GABBR2: variants seen among roughly 807,000 people sequenced by gnomAD.
The protein encoded by GABBR2 is gamma-aminobutyric acid type B receptor subunit 2.
In GABBR2, 23 loss-of-function variants were observed where a neutral mutation model predicts 105.6. The observed-to-expected ratio is 0.22, with a 90% CI of 0.16 to 0.31. The LOEUF (loss-of-function observed/expected upper bound fraction) is 0.31. GABBR2 is among the 10% of genes least tolerant of loss of function. GABBR2 has a pLI of 1.00. For missense variants in GABBR2, 734 were observed against 1,245.5 expected, an observed-to-expected ratio of 0.59 and a Z score of 6.18; for synonymous variants, 478 against 499.7, an observed-to-expected ratio of 0.96 and a Z score of 0.58.
At chr9:98,549,644 C>A (rs1359596031) in intron 2 of GABBR2, among the ~76,000 whole-genome samples, 1 of 152,216 alleles carries the variant, frequency 6.6e-6, no homozygotes, top group Non-Finnish European at 1.5e-5. Flanking sequence ...CCCATACTGG[C>A]CAGCTCTGGG....
At chr9:98,460,251 C>T (rs967807123) in intron 6 of GABBR2, among the ~76,000 whole-genome samples, 41 of 152,042 alleles carry the variant, frequency 2.7e-4, no homozygotes, top group African/African-American at 6.8e-4. Flanking sequence ...GGCATGGTGG[C>T]GGGCACCTGT....
At chr9:98,640,117 C>T (rs1460522990) in intron 1 of GABBR2, among the ~76,000 whole-genome samples, 4 of 80,544 alleles carry the variant, frequency 5.0e-5, no homozygotes, top group African/African-American at 2.1e-4. Context: ...TTTGAAAATA[C>T]AACCATATAT....
At chr9:98,537,571 C>T (rs1828207217) in intron 3 of GABBR2, among the ~76,000 whole-genome samples, 1 of 152,094 alleles carries the variant, frequency 6.6e-6, no homozygotes. Flanking sequence ...GTAGCTGGGA[C>T]TATAGGTGTG....
chr9:98,495,428 G>A (rs1409384557), intron 4 of GABBR2, among the ~76,000 whole-genome samples: 3 of 152,216 alleles, frequency 2.0e-5, no homozygotes, highest in Non-Finnish European at 2.9e-5. Flanking sequence ...AAGGAATGGA[G>A]GAGAGGGAAA....
intron 7 of GABBR2, among the ~76,000 whole-genome samples, chr9:98,412,379 G>A (rs911558417): frequency 1.9e-4 from 29 of 152,220 alleles, no homozygotes; most frequent in African/African-American, 6.3e-4. Flanking sequence ...TCTTATCTCC[G>A]GGTTGTCGAG....
intron 13 of GABBR2, among the ~76,000 whole-genome samples, chr9:98,321,466 G>T (rs1830821312): frequency 6.6e-6 from 1 of 152,208 alleles, no homozygotes. Flanking sequence ...AGTCATCAGG[G>T]TGGCATTGCC....
intron 15 of GABBR2, among the ~76,000 whole-genome samples, chr9:98,303,639 A>G (rs938894382): frequency 2.0e-5 from 3 of 152,216 alleles, no homozygotes; most frequent in Admixed American, 6.5e-5. Context: ...CCAAGCCTCC[A>G]TGTCCTTCCT....
In GABBR2 at chr9:98,562,974, G is replaced by C. The variant is rs183290625; in HGVS notation, c.459+14961C>G. ...AATCCCAGCTACTTGGGGGGCTGAG[G>C]GGGGAGGATCGCTTGAGCCCGGGAA... is the stretch of plus-strand genomic sequence containing the variant. On this transcript the variant is annotated intron_variant, in intron 2 of 18. Coordinates refer to ENST00000259455, the MANE Select transcript of GABBR2 (RefSeq NM_005458.8). 9.9e-5 allele frequency among the ~76,000 whole-genome samples: 15 copies of C among 150,960 alleles called. No individual in the cohort carries two copies. In the East Asian group the frequency reaches 2.0e-3, roughly 20 times the overall value.
chr9:98,543,951 C>T (rs1054099099), intron 2 of GABBR2, among the ~76,000 whole-genome samples: 1 of 151,890 alleles, frequency 6.6e-6, no homozygotes, highest in African/African-American at 2.4e-5. Flanking sequence ...TTAAGAAAGG[C>T]CTCTCTTACT....
chr9:98,491,051 C>G (rs1827165917), intron 4 of GABBR2, among the ~76,000 whole-genome samples: 1 of 151,912 alleles, frequency 6.6e-6, no homozygotes. Flanking sequence ...TGTTATGCCT[C>G]CCAATGCTAT....
chr9:98,398,199 T>C (rs1428313416), intron 8 of GABBR2, among the ~76,000 whole-genome samples: 1 of 152,178 alleles, frequency 6.6e-6, no homozygotes, highest in Non-Finnish European at 1.5e-5. Context: ...ATGTGTCCTT[T>C]AGAATTTGAT....
intron 4 of GABBR2, among the ~76,000 whole-genome samples, chr9:98,485,444 A>G (rs1159510340): frequency 1.3e-5 from 2 of 151,972 alleles, no homozygotes; most frequent in Non-Finnish European, 2.9e-5. Flanking sequence ...CTCATCCCTC[A>G]TCTAGAACCA....
At position 98,306,713 on chromosome 9, in the gene GABBR2, A is replaced by T; in HGVS notation, c.2005-368T>A. The T allele has an allele frequency of 3.7e-6, 1 of 273,382 alleles. No individual in the cohort carries two copies. The highest frequency in any genetic ancestry group is 7.0e-6 in the Non-Finnish European group (1 of 142,678). The allele number at this position is 273,382 out of a possible 1,614,324, so 16.9% of individuals were successfully genotyped here. A position where few individuals can be genotyped will look rare whatever the true frequency, so the allele number is the denominator to read the frequency against. ...CCAGAAGGGTGAAGAGGTCTGCCCAAGGCCGCACAGCAATATGGTAGCAAA... is the reference window on the plus strand; with the variant it reads ...CCAGAAGGGTGAAGAGGTCTGCCCATGGCCGCACAGCAATATGGTAGCAAA... On this transcript the variant is annotated intron_variant, in intron 14 of 18. Coordinates refer to ENST00000259455, the MANE Select transcript of GABBR2 (RefSeq NM_005458.8). This position sits in a 1 kb window ranked among gnomAD's most constrained non-coding sequence, Gnocchi z 5.4.
intron 3 of GABBR2, among the ~76,000 whole-genome samples, chr9:98,528,786 C>T (rs895889968): frequency 1.3e-5 from 2 of 151,998 alleles, no homozygotes; most frequent in African/African-American, 2.4e-5. Context: ...AAGAATAATA[C>T]ACAATACTGG....
At chr9:98,301,626 C>T (rs1220246363) in intron 16 of GABBR2, among the ~76,000 whole-genome samples, 1 of 152,186 alleles carries the variant, frequency 6.6e-6, no homozygotes, top group African/African-American at 2.4e-5. Flanking sequence ...GTGGGGACAA[C>T]AGGAGGCCAG....
chr9:98,541,465 A>G (rs1490221486), intron 3 of GABBR2, among the ~76,000 whole-genome samples: 1 of 152,076 alleles, frequency 6.6e-6, no homozygotes, highest in Non-Finnish European at 1.5e-5. Flanking sequence ...TCTGTACCCC[A>G]TCCAAGGTGA....
intron 6 of GABBR2, among the ~76,000 whole-genome samples, chr9:98,465,923 C>T (rs936177849): frequency 5.9e-5 from 9 of 152,212 alleles, no homozygotes; most frequent in East Asian, 5.8e-4. Flanking sequence ...GGAGGAGCGG[C>T]CTGCTGGGAG....
At chr9:98,386,824 C>T (rs1205898211) in intron 10 of GABBR2, among the ~76,000 whole-genome samples, 2 of 152,312 alleles carry the variant, frequency 1.3e-5, no homozygotes, top group Admixed American at 1.3e-4. Context: ...AAATAAGAAG[C>T]CTGCTGCTCT....
intron 4 of GABBR2, among the ~76,000 whole-genome samples, chr9:98,495,720 C>T (rs1827264191): frequency 6.6e-6 from 1 of 152,162 alleles, no homozygotes; most frequent in Non-Finnish European, 1.5e-5. Context: ...CAAATGTTGT[C>T]TCTTTTTGGA....
Sources: allele counts gnomAD v4.1 joint callset (sites outside exome capture counted in the v4.1 genomes callset), GRCh38; gene constraint gnomAD v4.1.1; non-coding constraint Gnocchi (gnomAD v3.1); transcripts MANE v1.5; gene names NCBI Gene and HGNC (gene_info 2026-07-23, HGNC 2026-07-21).